The following CTIF variants were observed in gnomAD, a reference collection of about 807,000 sequenced individuals.
CTIF encodes cap binding complex dependent translation initiation factor, also known as CBP80/20-dependent translation initiation factor.
A neutral mutation model predicts 66.0 loss-of-function variants in CTIF; 21 were observed. The ratio of observed to expected loss-of-function variants is 0.32; its 90% CI spans 0.23 to 0.46. The LOEUF (loss-of-function observed/expected upper bound fraction) is 0.46. Among genes scored for constraint, CTIF ranks in the 20% least tolerant of loss-of-function variants. The probability of loss-of-function intolerance (pLI) is 1.00; values close to 1 mark genes in which losing one functional copy is unlikely to be tolerated. For missense variants in CTIF, 739 were observed against 812.7 expected (o/e 0.91, Z 1.10); for synonymous variants, 345 against 326.4 (o/e 1.06, Z -0.62).
At chr18:48,804,449 C>T (rs907663230) in intron 9 of CTIF, among the ~76,000 whole-genome samples, 8 of 152,172 alleles carry the variant, frequency 5.3e-5, no homozygotes, top group African/African-American at 7.2e-5. Flanking sequence ...GTGGCCAGGA[C>T]GTGGCATGAT....
chr18:48,605,250 G>A (rs1031465662), intron 1 of CTIF, among the ~76,000 whole-genome samples: 5 of 152,228 alleles, frequency 3.3e-5, no homozygotes, highest in Admixed American at 2.6e-4. Flanking sequence ...CCCATGAGCA[G>A]TGTTTGAGGA....
intron 2 of CTIF, chr18:48,625,096 C>T (rs900735776): frequency 4.2e-5 from 15 of 355,082 alleles, no homozygotes; most frequent in Non-Finnish European, 5.1e-5. Flanking sequence ...TTCTGCCTTC[C>T]CTGTTCACTG....
At chr18:48,843,395 AG>A (rs1222030082) in intron 10 of CTIF, among the ~76,000 whole-genome samples, 1 of 151,992 alleles carries the variant, frequency 6.6e-6, no homozygotes, top group East Asian at 1.9e-4. Context: ...CGGAGTGGGG[AG>A]GGCTTGCAGG....
chr18:48,827,591 A>G (rs2068607734), intron 10 of CTIF, among the ~76,000 whole-genome samples: 1 of 152,212 alleles, frequency 6.6e-6, no homozygotes, highest in Non-Finnish European at 1.5e-5. Flanking sequence ...AAAAATCAGG[A>G]GAACCTTTCT....
intron 2 of CTIF, among the ~76,000 whole-genome samples, chr18:48,623,869 A>T (rs982869040): frequency 6.7e-6 from 1 of 148,948 alleles, no homozygotes; most frequent in Admixed American, 6.6e-5. Flanking sequence ...GGATGGATGG[A>T]TGGATGGCTG....
chr18:48,787,689 A>G (rs80251959), intron 9 of CTIF, among the ~76,000 whole-genome samples: 1,986 of 152,194 alleles, frequency 0.013, 45 homozygotes, highest in African/African-American at 0.045. Flanking sequence ...CACGCATTCC[A>G]TCTCCCAGAC....
chr18:48,695,111 G>A (rs2145313462), intron 6 of CTIF, among the ~76,000 whole-genome samples: 1 of 152,316 alleles, frequency 6.6e-6, no homozygotes, highest in Admixed American at 6.5e-5. Context: ...TGGAAGCACA[G>A]CACAGAATTT....
rs187732872 is a variant in CTIF at position 48,641,631 on chromosome 18, C to T, written c.252+4946C>T. 1.5e-3 allele frequency among the ~76,000 whole-genome samples: 226 copies of T among 152,302 alleles called. 1 individual carries two copies. Among genetic ancestry groups the T allele is most frequent in the African/African-American group, 5.4e-3 (224 of 41,560 alleles). On this transcript the variant is annotated intron_variant, in intron 3 of 11. Coordinates refer to ENST00000256413, the MANE Select transcript of CTIF (RefSeq NM_014772.3). The stretch of plus-strand genomic sequence containing the variant: ...GAGTCAAAGAGCCTTGTCCCAAGCT[C>T]CAGGAGAACCAGATGTTGACCCAGG...
Position 48,557,663 on chromosome 18 carries a change from A to G in CTIF, c.-29+18351A>G, listed in dbSNP as rs557861604. 2.0e-5 allele frequency among the ~76,000 whole-genome samples: 3 copies of G among 152,366 alleles called. No individual in the cohort carries two copies. In the South Asian group the frequency reaches 6.2e-4, roughly 32 times the overall value. ...GTACAGGCTGCCATAATGAAACTCC[A>G]CAGACTGGGTGGCTTAAACAACAGA... On this transcript the variant is annotated intron_variant, in intron 1 of 11. Coordinates refer to ENST00000256413, the MANE Select transcript of CTIF (RefSeq NM_014772.3).
intron 9 of CTIF, among the ~76,000 whole-genome samples, chr18:48,786,447 A>G (rs1911713238): frequency 6.6e-6 from 1 of 152,180 alleles, no homozygotes; most frequent in Non-Finnish European, 1.5e-5. Context: ...GCCTTTGCAA[A>G]GTGAGTGATC....
At chr18:48,614,738 A>T (rs1254958756) in intron 1 of CTIF, among the ~76,000 whole-genome samples, 2 of 152,212 alleles carry the variant, frequency 1.3e-5, no homozygotes, top group South Asian at 2.1e-4. Context: ...TGGGTTGATA[A>T]AAAAGTTCTG....
intron 1 of CTIF, chr18:48,568,080 ATTCT>A (rs2089318473): frequency 2.0e-5 from 3 of 152,122 alleles, no homozygotes; most frequent in South Asian, 2.1e-4. Flanking sequence ...TATTTCATAG[ATTCT>A]TTGTGAGTCT....
intron 3 of CTIF, 53 bp from the exon 4 acceptor site, chr18:48,663,699 C>G: frequency 6.4e-7 from 1 of 1,558,034 alleles, no homozygotes. Context: ...CCCGTGTTCT[C>G]AGCATCCTGG....
At chr18:48,700,575 C>T (rs1443351682) in intron 6 of CTIF, among the ~76,000 whole-genome samples, 2 of 152,198 alleles carry the variant, frequency 1.3e-5, no homozygotes, top group Non-Finnish European at 2.9e-5. Flanking sequence ...ATGCCCCTGC[C>T]CTGTGCGAAC....
rs532539944 is a variant in CTIF, at chr18:48,851,028, A to G, written c.1528-6560A>G. ...CGTTTGCAAGAGGGCCTCTCGCACA[A>G]TGTGGTTTTTGGCTTCATGCAGACT... On this transcript the variant is annotated intron_variant, in intron 10 of 11. Coordinates refer to ENST00000256413, the MANE Select transcript of CTIF (RefSeq NM_014772.3). Among the ~76,000 whole-genome samples, 5 of 152,340 alleles carry G rather than the reference A, an allele frequency of 3.3e-5. No individual in the cohort carries two copies. The South Asian group carries it at 8.3e-4, about 25-fold the overall frequency.
rs1908950204 is a variant in CTIF, at chr18:48,761,211, A to G, written c.1072-179A>G. 1.7e-6 allele frequency: 1 copy of G among 600,414 alleles called. No homozygotes were observed. Among genetic ancestry groups the G allele is most frequent in the Non-Finnish European group, 2.9e-6 (1 of 344,508 alleles). The allele number at this position is 600,414 out of a possible 1,614,324, so 37.2% of individuals were successfully genotyped here. On this transcript the variant is annotated intron_variant, in intron 8 of 11. Transcript: ENST00000256413. The surrounding 1 kb of genome is among the most constrained non-coding windows in gnomAD (Gnocchi z 4.2). ...ATAGGGGCCAAGAAAAAAGGCAACA[A>G]GGAGCTTTTGGCGCATGAGGGGTCT...
At chr18:48,580,564 G>A (rs1441512674) in intron 1 of CTIF, among the ~76,000 whole-genome samples, 2 of 152,090 alleles carry the variant, frequency 1.3e-5, no homozygotes, top group Non-Finnish European at 2.9e-5. Flanking sequence ...ACTTAACCTG[G>A]ACACCTTTGG....
chr18:48,602,826 G>GATGA (rs2090115980), intron 1 of CTIF, among the ~76,000 whole-genome samples: 2 of 150,166 alleles, frequency 1.3e-5, no homozygotes, highest in African/African-American at 5.0e-5. Context: ...TGAATGGGTG[G>GATGA]ATGAATGGAT....
chr18:48,796,264 C>T (rs1301896276), intron 9 of CTIF, among the ~76,000 whole-genome samples: 1 of 151,256 alleles, frequency 6.6e-6, no homozygotes, highest in Admixed American at 6.6e-5. Context: ...AGCTCCACCT[C>T]CCGGGTTCAT....
Sources: gnomAD v4.1 joint callset for allele counts (sites outside exome capture counted in the v4.1 genomes callset) on GRCh38, gnomAD v4.1.1 for gene constraint, Gnocchi (gnomAD v3.1) non-coding constraint, MANE v1.5 for transcripts, NCBI Gene and HGNC (gene_info 2026-07-23, HGNC 2026-07-21) for gene names.